Variants in DPF3 observed in about 807,000 individuals in gnomAD.
The protein encoded by DPF3 is zinc finger protein DPF3.
Under a neutral mutation model 56.8 loss-of-function variants are expected in DPF3, and 18 were observed. The observed-to-expected ratio is 0.32, with a 90% CI of 0.22 to 0.47. The LOEUF is 0.47. DPF3 is among the 20% of genes least tolerant of loss of function. The pLI, the probability that DPF3 is intolerant of heterozygous loss-of-function variation, is 1.00. For synonymous variants in DPF3, 188 were observed against 180.2 expected (o/e 1.04, Z -0.35); for missense variants, 403 against 488.8 (o/e 0.82, Z 1.65).
chr14:72,642,164 C>T (rs1347153683), intron 8 of DPF3, among the ~76,000 whole-genome samples: 8 of 152,212 alleles, frequency 5.3e-5, no homozygotes, highest in Non-Finnish European at 2.9e-5. Context: ...GGACTGCAGC[C>T]TCATGGGACA....
At chr14:72,683,152 C>T (rs1370656727) in intron 7 of DPF3, among the ~76,000 whole-genome samples, 2 of 152,018 alleles carry the variant, frequency 1.3e-5, no homozygotes, top group African/African-American at 4.8e-5. Flanking sequence ...CATAGCAAAA[C>T]CCCGCCTCTA....
intron 2 of DPF3, among the ~76,000 whole-genome samples, chr14:72,770,548 C>T (rs1190689101): frequency 6.6e-6 from 1 of 152,150 alleles, no homozygotes; most frequent in Admixed American, 6.5e-5. Context: ...TTTAGAGATA[C>T]ATAACAAAAT....
chr14:72,892,681 G>A, intron 1 of DPF3: 4 of 1,027,496 alleles, frequency 3.9e-6, no homozygotes, highest in Middle Eastern at 4.7e-4. Context: ...GGTCGACAGC[G>A]GCCACGCACC....
intron 1 of DPF3, among the ~76,000 whole-genome samples, chr14:72,841,733 T>C (rs543556463): frequency 6.9e-4 from 105 of 151,684 alleles, no homozygotes; most frequent in African/African-American, 2.4e-3. Context: ...TGCATGAGAG[T>C]GGGGGAGAAG....
intron 2 of DPF3, among the ~76,000 whole-genome samples, chr14:72,761,867 A>C (rs1422103709): frequency 6.6e-6 from 1 of 151,886 alleles, no homozygotes; most frequent in Non-Finnish European, 1.5e-5. Context: ...AATGAGTAAA[A>C]TAATATGCCA....
At chr14:72,657,333 ATAATAT>A (rs2153568972) in intron 8 of DPF3, among the ~76,000 whole-genome samples, 1 of 152,330 alleles carries the variant, frequency 6.6e-6, no homozygotes, top group South Asian at 2.1e-4. Flanking sequence ...CTAGAGATGA[ATAATAT>A]TAGTCATGAT....
chr14:72,699,015 G>A (rs955754779), intron 6 of DPF3, among the ~76,000 whole-genome samples: 2 of 152,178 alleles, frequency 1.3e-5, no homozygotes, highest in East Asian at 3.9e-4. Flanking sequence ...CAGATTTAAA[G>A]AAGGAAGAAA....
intron 1 of DPF3, among the ~76,000 whole-genome samples, chr14:72,888,077 G>A (rs959208843): frequency 3.3e-5 from 5 of 152,252 alleles, no homozygotes; most frequent in East Asian, 3.9e-4. Flanking sequence ...GCATTGTTCC[G>A]CAGGCTCAGA....
chr14:72,719,680 ATTGT>A (rs1426144013), intron 5 of DPF3, among the ~76,000 whole-genome samples: 2 of 152,210 alleles, frequency 1.3e-5, no homozygotes, highest in Non-Finnish European at 1.5e-5. Context: ...ACAATTATTA[ATTGT>A]TGGGCTCCCC....
chr14:72,678,283 A>G (rs982879566), intron 7 of DPF3, among the ~76,000 whole-genome samples: 7 of 152,218 alleles, frequency 4.6e-5, no homozygotes, highest in Non-Finnish European at 1.0e-4. Context: ...CCTTGCATAT[A>G]AAATATTTCA....
chr14:72,803,280 T>C (rs1306871072), intron 1 of DPF3, among the ~76,000 whole-genome samples: 1 of 152,150 alleles, frequency 6.6e-6, no homozygotes, highest in African/African-American at 2.4e-5. Context: ...CCAAGGCCAA[T>C]AGGCATGGAG....
intron 2 of DPF3, among the ~76,000 whole-genome samples, chr14:72,758,442 C>G (rs1890928898): frequency 6.6e-6 from 1 of 152,120 alleles, no homozygotes; most frequent in Non-Finnish European, 1.5e-5. Flanking sequence ...TGCCAAGAGT[C>G]TGAGGAGACC....
chr14:72,696,248 T>C (rs1426098713), intron 6 of DPF3, among the ~76,000 whole-genome samples: 2 of 152,246 alleles, frequency 1.3e-5, no homozygotes, highest in Non-Finnish European at 1.5e-5. Flanking sequence ...CATTTTGTTA[T>C]GTCAATCATC....
intron 8 of DPF3, among the ~76,000 whole-genome samples, chr14:72,654,524 G>A (rs1214595762): frequency 6.6e-6 from 1 of 152,126 alleles, no homozygotes; most frequent in Non-Finnish European, 1.5e-5. Flanking sequence ...CAGTGGAGAA[G>A]CCTTTAGAGC....
In DPF3 at chr14:72,691,505, G is replaced by T. The variant is rs1342361828; in HGVS notation, c.742+1571C>A. Reference sequence around the variant, plus strand: ...GCCCTTTGGGAAGCCAAGGCAGGCGGATCACGAGGTCAAGAGATCGAGACC... The same window carrying T: ...GCCCTTTGGGAAGCCAAGGCAGGCGTATCACGAGGTCAAGAGATCGAGACC... On this transcript the variant is annotated intron_variant, in intron 7 of 10. Transcript: ENST00000556509. Among the ~76,000 whole-genome samples the T allele has an allele frequency of 3.3e-5, 5 of 152,310 alleles. No individual in the cohort carries two copies. The South Asian group carries it at 1.0e-3, about 32-fold the overall frequency.
intron 1 of DPF3, among the ~76,000 whole-genome samples, chr14:72,809,519 G>A (rs1472309674): frequency 6.6e-6 from 1 of 152,222 alleles, no homozygotes; most frequent in Admixed American, 6.5e-5. Flanking sequence ...GCACTCCTGA[G>A]GCCACTACAC....
intron 8 of DPF3, among the ~76,000 whole-genome samples, chr14:72,643,787 T>C (rs1359561176): frequency 6.6e-6 from 1 of 152,170 alleles, no homozygotes; most frequent in Non-Finnish European, 1.5e-5. Flanking sequence ...CACACCTCCA[T>C]TACACTGTCA....
chr14:72,681,829 C>T (rs2078016110), intron 7 of DPF3, among the ~76,000 whole-genome samples: 1 of 152,196 alleles, frequency 6.6e-6, no homozygotes, highest in Non-Finnish European at 1.5e-5. Context: ...GGTCACACGG[C>T]CCCCAAGGAA....
intron 3 of DPF3, among the ~76,000 whole-genome samples, chr14:72,744,650 G>A (rs1039901327): frequency 2.0e-5 from 3 of 152,040 alleles, no homozygotes; most frequent in Admixed American, 1.3e-4. Context: ...GCCCTGACCT[G>A]GTTTCCTGAC....
Sources: gnomAD v4.1 joint callset for allele counts (sites outside exome capture counted in the v4.1 genomes callset) on GRCh38, gnomAD v4.1.1 for gene constraint, MANE v1.5 for transcripts, NCBI Gene and HGNC (gene_info 2026-07-23, HGNC 2026-07-21) for gene names.